The following PBX1 variants were observed in gnomAD, a reference collection of about 807,000 sequenced individuals.
The protein encoded by PBX1 is PBX homeobox 1.
Under a neutral mutation model 53.4 loss-of-function variants are expected in PBX1, and 6 were observed. That is an observed-to-expected ratio of 0.11 (90% CI 0.06 to 0.22). The LOEUF (loss-of-function observed/expected upper bound fraction) is 0.22. Among genes scored for constraint, PBX1 ranks in the 10% least tolerant of loss-of-function variants. PBX1 has a pLI of 1.00. For synonymous variants in PBX1, 204 were observed against 212.3 expected, an observed-to-expected ratio of 0.96 and a Z score of 0.34; for missense variants, 251 against 551.4, an observed-to-expected ratio of 0.46 and a Z score of 5.46.
chr1:164,611,975 C>T (rs1231969284), intron 2 of PBX1, among the ~76,000 whole-genome samples: 1 of 152,110 alleles, frequency 6.6e-6, no homozygotes, highest in African/African-American at 2.4e-5. Context: ...CTCCCCTTGG[C>T]CCATTTATAA....
chr1:164,824,804 A>C (rs894622738), intron 8 of PBX1, among the ~76,000 whole-genome samples: 1 of 152,180 alleles, frequency 6.6e-6, no homozygotes, highest in Non-Finnish European at 1.5e-5. Context: ...TCTGTCAATC[A>C]GACATACTTA....
chr1:164,811,323 G>A (rs888778029), intron 5 of PBX1, among the ~76,000 whole-genome samples: 1 of 152,172 alleles, frequency 6.6e-6, no homozygotes, highest in African/African-American at 2.4e-5. Context: ...AGTAAATTAG[G>A]TTTATTGTGT....
Position 164,644,337 on chromosome 1 carries a change from A to G in PBX1, c.265+81026A>G, listed in dbSNP as rs137934344. ...ATCTAGTCTATATCCAACTGTACAG[A>G]AAAAAGTAAACCGCAAATGAAATTT... On this transcript the variant is annotated intron_variant, in intron 2 of 8. Coordinates refer to ENST00000420696, the MANE Select transcript of PBX1 (RefSeq NM_002585.4). Among the ~76,000 whole-genome samples, 829 of 152,308 alleles carry G rather than the reference A, an allele frequency of 5.4e-3. 6 individuals carry two copies. Among genetic ancestry groups the G allele is most frequent in the African/African-American group, 0.019 (796 of 41,564 alleles).
At chr1:164,577,006 T>G (rs1571254128) in intron 2 of PBX1, 1 of 152,344 alleles carries the variant, frequency 6.6e-6, no homozygotes, top group East Asian at 1.9e-4. Flanking sequence ...AGCACGTGGG[T>G]GAGTGTGTGT....
intron 2 of PBX1, among the ~76,000 whole-genome samples, chr1:164,581,809 C>T (rs1389918139): frequency 6.6e-6 from 1 of 152,108 alleles, no homozygotes; most frequent in Non-Finnish European, 1.5e-5. Flanking sequence ...CATAAATCTA[C>T]TAATTTACCT....
intron 8 of PBX1, among the ~76,000 whole-genome samples, chr1:164,833,059 A>G (rs1670845859): frequency 6.6e-6 from 1 of 152,182 alleles, no homozygotes; most frequent in African/African-American, 2.4e-5. Flanking sequence ...ACTTCTTTCT[A>G]TGTGGTAGAC....
Position 164,847,552 on chromosome 1 carries a change from G to A in PBX1, c.*876G>A, listed in dbSNP as rs368405625. 9.4e-7 allele frequency: 1 copy of A among 1,062,906 alleles called. No homozygotes were observed. The highest frequency in any genetic ancestry group is 5.1e-5 in the East Asian group (1 of 19,796). The allele number at this position is 1,062,906 out of a possible 1,614,324, so 65.8% of individuals were successfully genotyped here. ...CTGGGCCTGAGTTAGGCATGGTGAT[G>A]AATGCATCAGCAAGGAATAGAAAGT... On this transcript the variant is annotated 3_prime_UTR_variant, in exon 9 of 9. Coordinates refer to ENST00000420696, the MANE Select transcript of PBX1 (RefSeq NM_002585.4).
intron 2 of PBX1, among the ~76,000 whole-genome samples, chr1:164,691,997 G>C (rs1662517050): frequency 6.6e-6 from 1 of 152,176 alleles, no homozygotes; most frequent in African/African-American, 2.4e-5. Context: ...AATGAATCTT[G>C]TGTATAGACA....
chr1:164,670,613 C>T (rs1661060780), intron 2 of PBX1, among the ~76,000 whole-genome samples: 1 of 152,074 alleles, frequency 6.6e-6, no homozygotes, highest in East Asian at 1.9e-4. Context: ...GGCAAGAGAG[C>T]ATTTGAAGCT....
At chr1:164,655,113 T>TA (rs1056912362) in intron 2 of PBX1, among the ~76,000 whole-genome samples, 11 of 146,560 alleles carry the variant, frequency 7.5e-5, no homozygotes, top group African/African-American at 2.8e-4. Context: ...TTTTTTTTTT[T>TA]TTTATTTTTA....
At chr1:164,564,076 T>TAC (rs917500294) in intron 2 of PBX1, 19 of 152,292 alleles carry the variant, frequency 1.2e-4, no homozygotes, top group African/African-American at 3.8e-4. Flanking sequence ...TCCCCTTGTT[T>TAC]ATTTTAATCC....
At chr1:164,831,869 C>T (rs1341215082) in intron 8 of PBX1, among the ~76,000 whole-genome samples, 4 of 152,140 alleles carry the variant, frequency 2.6e-5, no homozygotes, top group Non-Finnish European at 1.5e-5. Flanking sequence ...CTCATTCTAT[C>T]TTATAGCCAA....
chr1:164,627,890 A>G (rs535914026), intron 2 of PBX1, among the ~76,000 whole-genome samples: 9 of 152,306 alleles, frequency 5.9e-5, no homozygotes, highest in African/African-American at 2.2e-4. Context: ...AGGCCCCTGA[A>G]TTTACCCAAG....
At chr1:164,649,303 C>T (rs575378020) in intron 2 of PBX1, among the ~76,000 whole-genome samples, 168 of 152,246 alleles carry the variant, frequency 1.1e-3, no homozygotes, top group African/African-American at 4.0e-3. Flanking sequence ...ATTAATGGAT[C>T]GCTTTCCTTC....
chr1:164,772,106 C>A (rs1480921520), intron 2 of PBX1, among the ~76,000 whole-genome samples: 1 of 152,216 alleles, frequency 6.6e-6, no homozygotes, highest in East Asian at 1.9e-4. Context: ...CAAAGATCTG[C>A]TGCAAAATCC....
intron 2 of PBX1, among the ~76,000 whole-genome samples, chr1:164,688,351 T>G (rs1025332838): frequency 2.0e-5 from 3 of 152,166 alleles, no homozygotes; most frequent in Non-Finnish European, 4.4e-5. Flanking sequence ...ACAGATCAAT[T>G]ACAACTTGAA....
At chr1:164,786,243 G>T (rs181377802) in intron 2 of PBX1, among the ~76,000 whole-genome samples, 1 of 137,174 alleles carries the variant, frequency 7.3e-6, no homozygotes, top group Non-Finnish European at 1.5e-5. Context: ...TTTAGTGTCA[G>T]GGGCCCTGTG....
At chr1:164,734,285 G>A (rs1440109656) in intron 2 of PBX1, among the ~76,000 whole-genome samples, 5 of 152,112 alleles carry the variant, frequency 3.3e-5, no homozygotes, top group Admixed American at 3.3e-4. Context: ...AGCATTTCTT[G>A]TATACAATGA....
chr1:164,568,128 C>T (rs897147699), intron 2 of PBX1, among the ~76,000 whole-genome samples: 2 of 152,080 alleles, frequency 1.3e-5, no homozygotes, highest in Admixed American at 1.3e-4. Flanking sequence ...TACCCCCAAA[C>T]GAGCAAATAA....
Sources: allele counts gnomAD v4.1 joint callset (sites outside exome capture counted in the v4.1 genomes callset), GRCh38; gene constraint gnomAD v4.1.1; transcripts MANE v1.5; gene names NCBI Gene and HGNC (gene_info 2026-07-23, HGNC 2026-07-21).